The following PCDH15 variants were observed in gnomAD, a reference collection of about 807,000 sequenced individuals.
The protein encoded by PCDH15 is protocadherin related 15, also known as protocadherin-15.
In PCDH15, 129 loss-of-function variants were observed where a neutral mutation model predicts 178.5. The observed-to-expected ratio is 0.72, with a 90% CI of 0.63 to 0.84. The LOEUF (loss-of-function observed/expected upper bound fraction) is 0.84, where lower values mean the gene tolerates loss of function less well. PCDH15 is among the 40% of genes least tolerant of loss of function. The pLI is 0.00. For missense variants in PCDH15, 2,230 were observed against 2,099.9 expected, an observed-to-expected ratio of 1.06 and a Z score of -1.21; for synonymous variants, 800 against 732.0, an observed-to-expected ratio of 1.09 and a Z score of -1.50.
intron 1 of PCDH15, among the ~76,000 whole-genome samples, chr10:55,243,453 C>T (rs77605733): frequency 6.6e-6 from 1 of 152,128 alleles, no homozygotes; most frequent in African/African-American, 2.4e-5. Context: ...CAAAAACCTC[C>T]ATTTAATGGT....
chr10:54,719,404 G>T (rs2095518209), intron 1 of PCDH15, among the ~76,000 whole-genome samples: 1 of 152,026 alleles, frequency 6.6e-6, no homozygotes. Flanking sequence ...AAGTATTCCA[G>T]AGGAAGATGA....
At chr10:55,325,260 T>C (rs943366927) in intron 2 of PCDH15, among the ~76,000 whole-genome samples, 1 of 151,994 alleles carries the variant, frequency 6.6e-6, no homozygotes, top group African/African-American at 2.4e-5. Flanking sequence ...CTCAAATAGC[T>C]TGGGCAACCC....
intron 12 of PCDH15, among the ~76,000 whole-genome samples, chr10:54,184,308 C>A (rs1377808645): frequency 6.6e-6 from 1 of 152,014 alleles, no homozygotes. Context: ...TTCTACATAT[C>A]TTGTTTAACT....
At chr10:54,325,840 C>T (rs75155560) in intron 7 of PCDH15, among the ~76,000 whole-genome samples, 1,694 of 152,018 alleles carry the variant, frequency 0.011, 70 homozygotes, top group East Asian at 0.098. Context: ...ACCCCGTAGG[C>T]GGAGGTTGCA....
intron 3 of PCDH15, among the ~76,000 whole-genome samples, chr10:54,513,081 T>G (rs1015861138): frequency 3.3e-5 from 5 of 151,986 alleles, no homozygotes; most frequent in African/African-American, 7.2e-5. Context: ...GATTTTTCAT[T>G]TTATGAAATA....
chr10:55,125,162 A>ATT lies in PCDH15; in HGVS notation c.-80+41412_-80+41413dup, dbSNP rs146336953. On this transcript the variant is annotated intron_variant, in intron 2 of 5. Transcript: ENST00000458638. ...AGGATACTTTTTGAATTTTTTTTTAATTGTGTGTGTGTGTGTGTGTGTGTG... is the reference window on the plus strand; with the variant it reads ...AGGATACTTTTTGAATTTTTTTTTAATTTTGTGTGTGTGTGTGTGTGTGTGTG... Among the ~76,000 whole-genome samples, 133 of 50,160 alleles carry ATT rather than the reference A, an allele frequency of 2.7e-3. 1 individual carries two copies. The East Asian group carries it at 0.053, about 20-fold the overall frequency. The allele number at this position is 50,160 out of a possible 152,430, so 32.9% of individuals were successfully genotyped here.
At chr10:54,502,128 T>C (rs535671953) in intron 3 of PCDH15, among the ~76,000 whole-genome samples, 1 of 152,214 alleles carries the variant, frequency 6.6e-6, no homozygotes, top group African/African-American at 2.4e-5. Flanking sequence ...ATGAGAATGC[T>C]TAAATTCAAA....
chr10:54,998,313 C>T (rs1839698916), intron 2 of PCDH15, among the ~76,000 whole-genome samples: 1 of 151,878 alleles, frequency 6.6e-6, no homozygotes, highest in Admixed American at 6.6e-5. Context: ...TTCATGGCCA[C>T]TCCAGCATGG....
chr10:54,490,365 G>A (rs2137106489), intron 3 of PCDH15, among the ~76,000 whole-genome samples: 1 of 152,134 alleles, frequency 6.6e-6, no homozygotes, highest in South Asian at 2.1e-4. Context: ...CAGGAGAATG[G>A]CATGAACCCG....
At chr10:55,579,978 T>C (rs1214892258) in intron 2 of PCDH15, among the ~76,000 whole-genome samples, 1 of 151,972 alleles carries the variant, frequency 6.6e-6, no homozygotes, top group Non-Finnish European at 1.5e-5. Context: ...TGCCTAAACC[T>C]CCCGAGTAGC....
intron 8 of PCDH15, among the ~76,000 whole-genome samples, chr10:54,266,230 T>C (rs7094603): frequency 0.7 from 106,415 of 151,246 alleles, 38,317 homozygotes; most frequent in Middle Eastern, 0.76. Flanking sequence ...ACAAGAAAAT[T>C]AAGGCAGAAA....
At chr10:55,068,688 G>A (rs1841631790) in intron 2 of PCDH15, among the ~76,000 whole-genome samples, 1 of 151,792 alleles carries the variant, frequency 6.6e-6, no homozygotes, top group African/African-American at 2.4e-5. Context: ...GGGCAGTATG[G>A]TCATTTTAAT....
chr10:53,857,203 C>A lies in PCDH15; in HGVS notation c.3778G>T (p.Val1260Leu). The A allele has an allele frequency of 6.2e-7, 1 of 1,609,172 alleles. No homozygotes were observed. The highest frequency in any genetic ancestry group is 8.5e-7 in the Non-Finnish European group (1 of 1,176,214). The change falls in exon 28 of 38, where the codon GTG becomes TTG. Residue 1260 changes from valine (V) to leucine (L), a missense_variant. Val to Leu is a conservative substitution (Grantham distance 32, BLOSUM62 1). Transcript: ENST00000644397. Reference sequence around the variant, plus strand: ...GTAAGATCTTCTATCTTTTTTTCCACTAGAGTAGGAGGCACATTGGAAACA... The same window carrying A: ...GTAAGATCTTCTATCTTTTTTTCCAATAGAGTAGGAGGCACATTGGAAACA... Reference protein sequence around the residue: ...VIVSNVPPTLVEKKIEDLTEI... With the variant: ...VIVSNVPPTLLEKKIEDLTEI...
chr10:54,888,648 G>A (rs553162268), intron 3 of PCDH15, among the ~76,000 whole-genome samples: 35 of 151,814 alleles, frequency 2.3e-4, no homozygotes, highest in African/African-American at 8.2e-4. Flanking sequence ...TGTAATTTTA[G>A]TAGTTTTAGA....
At chr10:55,463,491 A>C (rs893762474) in intron 2 of PCDH15, among the ~76,000 whole-genome samples, 1 of 151,994 alleles carries the variant, frequency 6.6e-6, no homozygotes, top group South Asian at 2.1e-4. Context: ...ATAAAAAAAA[A>C]TAATAAAAAT....
intron 1 of PCDH15, among the ~76,000 whole-genome samples, chr10:54,665,908 T>C (rs866549790): frequency 2.4e-4 from 37 of 152,112 alleles, no homozygotes; most frequent in African/African-American, 8.9e-4. Flanking sequence ...AAAAATAAAA[T>C]TGACCAATGC....
intron 2 of PCDH15, among the ~76,000 whole-genome samples, chr10:55,612,180 T>C (rs1193931501): frequency 6.6e-6 from 1 of 152,104 alleles, no homozygotes; most frequent in Non-Finnish European, 1.5e-5. Flanking sequence ...ATTTTAAGTG[T>C]TCTCACCATA....
chr10:54,988,617 T>G (rs1006927602), intron 2 of PCDH15, among the ~76,000 whole-genome samples: 18 of 152,190 alleles, frequency 1.2e-4, no homozygotes, highest in African/African-American at 3.9e-4. Context: ...CCTAGAGATT[T>G]GTGGAATTTT....
chr10:54,146,911 A>G (rs554613217), intron 14 of PCDH15, among the ~76,000 whole-genome samples: 10 of 145,816 alleles, frequency 6.9e-5, no homozygotes, highest in Admixed American at 4.2e-4. Flanking sequence ...TATATAGTGT[A>G]TATATATAGT....
Sources: allele counts gnomAD v4.1 joint callset (sites outside exome capture counted in the v4.1 genomes callset), GRCh38; gene constraint gnomAD v4.1.1; transcripts MANE v1.5; gene names NCBI Gene and HGNC (gene_info 2026-07-23, HGNC 2026-07-21).